The following RPS6KC1 variants were observed in gnomAD, a reference collection of about 807,000 sequenced individuals.
RPS6KC1 encodes the protein ribosomal protein S6 kinase C1, also known as inactive ribosomal protein S6 kinase delta-1.
A neutral mutation model predicts 103.8 loss-of-function variants in RPS6KC1; 54 were observed. The observed-to-expected ratio is 0.52, with a 90% CI of 0.42 to 0.65. RPS6KC1 has a LOEUF of 0.65. RPS6KC1 is among the 30% of genes least tolerant of loss of function. The pLI is 0.00. For missense variants in RPS6KC1, 1,151 were observed against 1,253.8 expected (o/e 0.92, Z 1.24); for synonymous variants, 439 against 438.7 (o/e 1.00, Z -0.01).
chr1:213,088,911 C>A (rs2080702258), intron 3 of RPS6KC1, among the ~76,000 whole-genome samples: 1 of 152,118 alleles, frequency 6.6e-6, no homozygotes, highest in Admixed American at 6.5e-5. Context: ...CATTTCACGC[C>A]TACTTGAGAT....
the RPS6KC1 span, among the ~76,000 whole-genome samples, chr1:213,363,616 TGC>T: frequency 5.4e-4 from 46 of 85,028 alleles, no homozygotes; most frequent in South Asian, 2.0e-3. Flanking sequence ...CTTGCTTGCT[TGC>T]TTGCTTGCTT....
intron 8 of RPS6KC1, among the ~76,000 whole-genome samples, chr1:213,202,484 G>A (rs554854945): frequency 4.4e-4 from 67 of 152,004 alleles, no homozygotes; most frequent in African/African-American, 1.6e-3. Context: ...GTGGTGGCGG[G>A]TGCCTGTAAT....
chr1:213,763,198 C>T, the RPS6KC1 span, among the ~76,000 whole-genome samples: 116 of 152,228 alleles, frequency 7.6e-4, no homozygotes, highest in Middle Eastern at 3.4e-3. Flanking sequence ...ATCTCAGTGA[C>T]GAAGCTGCCT....
At chr1:213,345,892 C>A in the RPS6KC1 span, among the ~76,000 whole-genome samples, 4 of 152,202 alleles carry the variant, frequency 2.6e-5, no homozygotes, top group Non-Finnish European at 4.4e-5. Flanking sequence ...TCTTTTCTTT[C>A]TGAGATCTTG....
At chr1:213,051,609 A>G (rs2076954185) in intron 1 of RPS6KC1, 100 bp downstream of exon 1, 3 of 844,394 alleles carry the variant, frequency 3.6e-6, no homozygotes, top group Non-Finnish European at 5.7e-6. Flanking sequence ...CTCAGAGCCG[A>G]GGGTGGGACT....
the RPS6KC1 span, among the ~76,000 whole-genome samples, chr1:213,758,127 T>C: frequency 6.6e-6 from 1 of 152,228 alleles, no homozygotes; most frequent in Non-Finnish European, 1.5e-5. Context: ...ATTCTGCCCA[T>C]GAATCAAAGA....
chr1:213,677,246 C>T, the RPS6KC1 span, among the ~76,000 whole-genome samples: 1 of 152,210 alleles, frequency 6.6e-6, no homozygotes, highest in Non-Finnish European at 1.5e-5. Flanking sequence ...TCTCACTCCT[C>T]ACCTGAACTG....
At chr1:213,414,240 C>T in the RPS6KC1 span, among the ~76,000 whole-genome samples, 3 of 138,954 alleles carry the variant, frequency 2.2e-5, no homozygotes, top group South Asian at 6.5e-4. Context: ...AAGTTCATCT[C>T]TTGCTGTTTG....
intron 7 of RPS6KC1, among the ~76,000 whole-genome samples, chr1:213,173,862 A>G (rs2091664092): frequency 6.6e-6 from 1 of 152,256 alleles, no homozygotes; most frequent in South Asian, 2.1e-4. Flanking sequence ...AAGATGCAAT[A>G]GAGATTTCAT....
At chr1:213,370,266 T>TATTTTATTTC in the RPS6KC1 span, among the ~76,000 whole-genome samples, 1 of 151,416 alleles carries the variant, frequency 6.6e-6, no homozygotes, top group East Asian at 1.9e-4. Flanking sequence ...TATTTTATTT[T>TATTTTATTTC]ATTTTATTTT....
chr1:213,069,005 C>T (rs1348539304), intron 1 of RPS6KC1, among the ~76,000 whole-genome samples: 2 of 151,554 alleles, frequency 1.3e-5, no homozygotes, highest in African/African-American at 4.9e-5. Context: ...CTGCAGTGAG[C>T]TATGATCATG....
At chr1:213,145,820 G>A (rs57845296) in intron 6 of RPS6KC1, among the ~76,000 whole-genome samples, 5,190 of 151,976 alleles carry the variant, frequency 0.034, 137 homozygotes, top group Middle Eastern at 0.055. Context: ...ACATCATGGA[G>A]AATGGGGTAT....
chr1:213,709,967 A>G, the RPS6KC1 span, among the ~76,000 whole-genome samples: 38,934 of 152,068 alleles, frequency 0.26, 6,195 homozygotes, highest in East Asian at 0.55. Context: ...AATAAGTGCT[A>G]TGTAGTCCTG....
the RPS6KC1 span, among the ~76,000 whole-genome samples, chr1:213,299,578 G>A: frequency 4.1e-5 from 6 of 147,056 alleles, no homozygotes; most frequent in Admixed American, 6.8e-5. Context: ...AAAATATGTC[G>A]TGAGCCACAT....
the RPS6KC1 span, among the ~76,000 whole-genome samples, chr1:213,853,804 C>T: frequency 1.3e-5 from 2 of 152,178 alleles, no homozygotes; most frequent in East Asian, 1.9e-4. Flanking sequence ...ACTGGATTCA[C>T]TCCTGATGCT....
the RPS6KC1 span, among the ~76,000 whole-genome samples, chr1:213,823,239 A>G: frequency 2.0e-5 from 3 of 152,168 alleles, no homozygotes; most frequent in African/African-American, 4.8e-5. Context: ...ACCTTCTTTA[A>G]TATGCTGATC....
chr1:213,784,893 T>C, the RPS6KC1 span, among the ~76,000 whole-genome samples: 2 of 152,186 alleles, frequency 1.3e-5, no homozygotes, highest in Non-Finnish European at 1.5e-5. Context: ...ATCCTCCTTC[T>C]TCCCTAGCCC....
chr1:213,773,448 A>G, the RPS6KC1 span, among the ~76,000 whole-genome samples: 2 of 148,336 alleles, frequency 1.3e-5, no homozygotes, highest in Non-Finnish European at 3.0e-5. Flanking sequence ...TATCTATATT[A>G]CATTATACAT....
the RPS6KC1 span, among the ~76,000 whole-genome samples, chr1:213,774,049 G>A: frequency 6.6e-6 from 1 of 152,132 alleles, no homozygotes; most frequent in East Asian, 1.9e-4. Context: ...CTCTCACCAT[G>A]TATTTTCTTC....
Sources: gnomAD v4.1 joint callset for allele counts (sites outside exome capture counted in the v4.1 genomes callset) on GRCh38, gnomAD v4.1.1 for gene constraint, MANE v1.5 for transcripts, NCBI Gene and HGNC (gene_info 2026-07-23, HGNC 2026-07-21) for gene names.